The following DSCAM variants were observed in gnomAD, a reference collection of about 807,000 sequenced individuals.
DSCAM encodes the protein cell adhesion molecule DSCAM.
A neutral mutation model predicts 217.7 loss-of-function variants in DSCAM; 47 were observed. The observed-to-expected ratio is 0.22, with a 90% confidence interval of 0.17 to 0.28. The LOEUF (loss-of-function observed/expected upper bound fraction) is 0.28. Among genes scored for constraint, DSCAM ranks in the 10% least tolerant of loss-of-function variants. DSCAM has a pLI of 1.00. For synonymous variants in DSCAM, 1,056 were observed against 1,015.3 expected (o/e 1.04, Z -0.76); for missense variants, 2,080 against 2,618.3 (o/e 0.79, Z 4.49).
intron 3 of DSCAM, among the ~76,000 whole-genome samples, chr21:40,465,271 T>C (rs9305698): frequency 0.69 from 105,467 of 151,960 alleles, 37,497 homozygotes; most frequent in African/African-American, 0.86. Flanking sequence ...AAATGCTTCT[T>C]GGCCTCCTTT....
intron 3 of DSCAM, among the ~76,000 whole-genome samples, chr21:40,685,083 T>C (rs1287081835): frequency 6.6e-6 from 1 of 152,260 alleles, no homozygotes; most frequent in Non-Finnish European, 1.5e-5. Flanking sequence ...AGGCTTGAAA[T>C]ACTTGGGTAC....
At chr21:40,813,143 T>A (rs1439771470) in intron 1 of DSCAM, among the ~76,000 whole-genome samples, 3 of 152,174 alleles carry the variant, frequency 2.0e-5, no homozygotes, top group Non-Finnish European at 4.4e-5. Context: ...CAGCCTAATA[T>A]ATCCTAAAGA....
intron 32 of DSCAM, among the ~76,000 whole-genome samples, chr21:40,019,474 A>T (rs2088223090): frequency 6.6e-6 from 1 of 152,230 alleles, no homozygotes; most frequent in African/African-American, 2.4e-5. Flanking sequence ...AGAGTAACTT[A>T]GATAATGCAT....
chr21:40,297,655 C>T (rs574572566), intron 9 of DSCAM, among the ~76,000 whole-genome samples: 2 of 152,086 alleles, frequency 1.3e-5, no homozygotes, highest in African/African-American at 4.8e-5. Flanking sequence ...ACGTGACGAT[C>T]GCTTTGGCCA....
intron 3 of DSCAM, among the ~76,000 whole-genome samples, chr21:40,691,714 G>A (rs557528783): frequency 6.6e-6 from 1 of 152,214 alleles, no homozygotes; most frequent in East Asian, 1.9e-4. Context: ...AAGTGTGAGG[G>A]GTTTTGAATT....
rs116336372 is a variant in DSCAM at position 40,473,088 on chromosome 21, C to G, written c.509-103843G>C. ...TCTGGGGGAATAAAGGGGCTGTTCA[C>G]CAACCAGGCAGAGACCTTCCTAAAA... On this transcript the variant is annotated intron_variant, in intron 3 of 32. Coordinates refer to ENST00000400454, the MANE Select transcript of DSCAM (RefSeq NM_001389.5). Among the ~76,000 whole-genome samples, 1,102 of 152,250 alleles carry G rather than the reference C, an allele frequency of 7.2e-3. 12 individuals are homozygous for G. The highest frequency in any genetic ancestry group is 0.025 in the African/African-American group (1,047 of 41,546).
At chr21:40,556,184 G>C (rs1035202353) in intron 3 of DSCAM, among the ~76,000 whole-genome samples, 1 of 152,100 alleles carries the variant, frequency 6.6e-6, no homozygotes, top group Non-Finnish European at 1.5e-5. Context: ...CAGAAGATGA[G>C]ATTCTATGTA....
intron 11 of DSCAM, among the ~76,000 whole-genome samples, chr21:40,256,356 G>A (rs529648063): frequency 6.6e-6 from 1 of 152,102 alleles, no homozygotes; most frequent in East Asian, 1.9e-4. Flanking sequence ...ATCTGCATTA[G>A]TCAGGGCTTC....
At chr21:40,313,137 G>T (rs1039414383) in intron 8 of DSCAM, among the ~76,000 whole-genome samples, 1 of 131,730 alleles carries the variant, frequency 7.6e-6, no homozygotes. Flanking sequence ...AAAAAAAAAA[G>T]TAAAATAAAT....
At chr21:40,409,550 C>T (rs1047134540) in intron 3 of DSCAM, among the ~76,000 whole-genome samples, 5 of 152,132 alleles carry the variant, frequency 3.3e-5, no homozygotes, top group Non-Finnish European at 7.4e-5. Flanking sequence ...CTGAGTTTTA[C>T]AGAGGGCCCA....
chr21:40,271,760 G>A (rs1466824613), intron 11 of DSCAM, among the ~76,000 whole-genome samples: 1 of 152,178 alleles, frequency 6.6e-6, no homozygotes, highest in Non-Finnish European at 1.5e-5. Flanking sequence ...CCATGGCAAT[G>A]CAACTTGATA....
At chr21:40,713,164 A>G (rs1213656517) in intron 1 of DSCAM, among the ~76,000 whole-genome samples, 2 of 152,214 alleles carry the variant, frequency 1.3e-5, no homozygotes, top group Admixed American at 1.3e-4. Context: ...TATCTACCTG[A>G]CAGGTCCACT....
chr21:40,830,234 C>T (rs925489393), intron 1 of DSCAM, among the ~76,000 whole-genome samples: 2 of 152,102 alleles, frequency 1.3e-5, no homozygotes, highest in African/African-American at 2.4e-5. Flanking sequence ...GGGGAGTAGG[C>T]AGGTCATAGG....
intron 20 of DSCAM, among the ~76,000 whole-genome samples, chr21:40,114,923 G>A (rs2089948930): frequency 6.6e-6 from 1 of 152,188 alleles, no homozygotes; most frequent in South Asian, 2.1e-4. Flanking sequence ...AACAGGTGTT[G>A]GAGAGGATGT....
intron 1 of DSCAM, among the ~76,000 whole-genome samples, chr21:40,746,733 T>C (rs982055178): frequency 1.3e-5 from 2 of 151,876 alleles, no homozygotes; most frequent in African/African-American, 4.8e-5. Flanking sequence ...CAACAGACAT[T>C]TACAGAACTT....
At chr21:40,399,926 C>T (rs1364523315) in intron 3 of DSCAM, among the ~76,000 whole-genome samples, 2 of 152,156 alleles carry the variant, frequency 1.3e-5, no homozygotes, top group Admixed American at 6.5e-5. Flanking sequence ...TCTCCTGTCC[C>T]TGGATTTCCC....
At chr21:40,323,335 T>C (rs1249961386) in intron 8 of DSCAM, among the ~76,000 whole-genome samples, 1 of 152,188 alleles carries the variant, frequency 6.6e-6, no homozygotes, top group African/African-American at 2.4e-5. Flanking sequence ...GCACCATTAA[T>C]AACAAAACCA....
intron 11 of DSCAM, among the ~76,000 whole-genome samples, chr21:40,271,683 T>C (rs892670408): frequency 2.6e-5 from 4 of 152,156 alleles, no homozygotes; most frequent in African/African-American, 9.7e-5. Flanking sequence ...GGCTACAAGA[T>C]GAAAAGCTAC....
chr21:40,320,480 A>T (rs1425338645), intron 8 of DSCAM, among the ~76,000 whole-genome samples: 1 of 152,186 alleles, frequency 6.6e-6, no homozygotes, highest in East Asian at 1.9e-4. Context: ...TAAGTTAATT[A>T]AATGGGCCAG....
Sources: allele counts gnomAD v4.1 joint callset (sites outside exome capture counted in the v4.1 genomes callset), GRCh38; gene constraint gnomAD v4.1.1; transcripts MANE v1.5; gene names NCBI Gene and HGNC (gene_info 2026-07-23, HGNC 2026-07-21).